The following NGEF variants were observed in gnomAD, a reference collection of about 807,000 sequenced individuals.
NGEF encodes ephexin-1.
NGEF carries 31 observed loss-of-function variants against 80.9 expected under a neutral mutation model. The ratio of observed to expected loss-of-function variants is 0.38; its 90% CI spans 0.29 to 0.52. The LOEUF is 0.52. NGEF is among the 20% of genes least tolerant of loss of function. NGEF has a pLI of 0.84. For synonymous variants in NGEF, 371 were observed against 370.2 expected (o/e 1.00, Z -0.03); for missense variants, 709 against 926.2 (o/e 0.77, Z 3.04).
intron 6 of NGEF, 121 bp downstream of exon 6, chr2:232,894,635 A>G (rs1173239584): frequency 1.7e-5 from 17 of 993,494 alleles, no homozygotes; most frequent in Non-Finnish European, 2.1e-5. Context: ...TTTATTATGG[A>G]ACATTCCAAA....
intron 3 of NGEF, among the ~76,000 whole-genome samples, chr2:232,966,204 G>A (rs187562496): frequency 1.3e-5 from 2 of 152,244 alleles, no homozygotes; most frequent in East Asian, 3.9e-4. Context: ...TCTCAGAGTG[G>A]GGCCCTGTGG....
chr2:232,908,587 G>A (rs957436908), intron 5 of NGEF, among the ~76,000 whole-genome samples: 10 of 151,250 alleles, frequency 6.6e-5, no homozygotes, highest in East Asian at 2.0e-4. Context: ...TTATTTTTGC[G>A]GAGATAGGGT....
chr2:233,004,750 C>T (rs537012895), intron 1 of NGEF, among the ~76,000 whole-genome samples: 1 of 152,142 alleles, frequency 6.6e-6, no homozygotes, highest in Non-Finnish European at 1.5e-5. Flanking sequence ...CCTCACCCCC[C>T]ATCGCTGAGA....
chr2:232,896,154 A>G (rs912884938), intron 5 of NGEF, among the ~76,000 whole-genome samples: 3 of 152,212 alleles, frequency 2.0e-5, no homozygotes, highest in Non-Finnish European at 4.4e-5. Context: ...TAACCCCAGC[A>G]CCTGTGAATG....
At chr2:232,923,688 T>C (rs780434771) in intron 4 of NGEF, among the ~76,000 whole-genome samples, 5 of 151,988 alleles carry the variant, frequency 3.3e-5, no homozygotes, top group Non-Finnish European at 5.9e-5. Context: ...TGAGCCAAGA[T>C]TGTGCCATTT....
chr2:233,005,159 G>A (rs962998082), intron 1 of NGEF, among the ~76,000 whole-genome samples: 2 of 152,172 alleles, frequency 1.3e-5, no homozygotes, highest in Admixed American at 6.5e-5. Flanking sequence ...CCAACACATG[G>A]ATGCCCCCAA....
chr2:232,944,820 C>T (rs1474438351), intron 3 of NGEF, among the ~76,000 whole-genome samples: 5 of 148,266 alleles, frequency 3.4e-5, no homozygotes, highest in African/African-American at 1.2e-4. Context: ...GGCATAATCT[C>T]GGCTCACTGC....
At chr2:232,944,744 T>TATATATATATATATATATATATAC (rs1553552746) in intron 3 of NGEF, among the ~76,000 whole-genome samples, 1 of 98,626 alleles carries the variant, frequency 1.0e-5, no homozygotes. Context: ...TATATATATA[T>TATATATATATATATATATATATAC]ATATATATAT....
chr2:232,960,387 C>T (rs1432435245), intron 3 of NGEF, among the ~76,000 whole-genome samples: 1 of 152,194 alleles, frequency 6.6e-6, no homozygotes, highest in Non-Finnish European at 1.5e-5. Context: ...GAGTCAGTGA[C>T]GTACTGGGGG....
Position 232,974,647 on chromosome 2 carries a change from C to T in NGEF, c.244G>A (p.Glu82Lys), listed in dbSNP as rs142598950. ...CCTGCCAGGCAGCTGGCGTTCCGTT[C>T]GGGGTTGTCTCTGGCCTTGGCTTTG... ...KSKAKARDNP[E>K]RNASCLADSQ... The change falls in exon 2 of 15, where the codon GAA becomes AAA. Residue 82 changes from glutamate to lysine, a missense_variant. Glu to Lys is a moderately conservative substitution (Grantham distance 56). Transcript: ENST00000264051. The T allele has an allele frequency of 1.2e-5, 20 of 1,614,120 alleles. No homozygotes were observed. The highest frequency in any genetic ancestry group is 1.7e-4 in the Middle Eastern group (1 of 6,056).
intron 1 of NGEF, among the ~76,000 whole-genome samples, chr2:232,994,278 G>C (rs1694731129): frequency 6.6e-6 from 1 of 151,302 alleles, no homozygotes; most frequent in Admixed American, 6.6e-5. Context: ...GCTGAGACAG[G>C]AGAATCACTT....
intron 3 of NGEF, among the ~76,000 whole-genome samples, chr2:232,956,490 G>A (rs533096571): frequency 1.3e-5 from 2 of 152,222 alleles, no homozygotes; most frequent in South Asian, 4.1e-4. Context: ...GAATTAGGCT[G>A]GGCACAGTGG....
chr2:232,934,241 C>CAAAAAAAAA (rs11329977), intron 3 of NGEF, among the ~76,000 whole-genome samples: 1 of 98,866 alleles, frequency 1.0e-5, no homozygotes, highest in Non-Finnish European at 2.0e-5. Flanking sequence ...GACTGCATCT[C>CAAAAAAAAA]AAAAAAAAAA....
At chr2:232,962,324 A>G (rs967609053) in intron 3 of NGEF, among the ~76,000 whole-genome samples, 29 of 152,256 alleles carry the variant, frequency 1.9e-4, no homozygotes, top group Middle Eastern at 3.4e-3. Context: ...ACCACTTGAG[A>G]TCAGGCGTTC....
Position 232,901,852 on chromosome 2 carries a change from G to A in NGEF, c.829-6936C>T, listed in dbSNP as rs543480318. Among the ~76,000 whole-genome samples, 82 of 152,364 alleles carry A rather than the reference G, an allele frequency of 5.4e-4. 1 individual carries two copies. The highest frequency in any genetic ancestry group is 1.5e-3 in the African/African-American group (64 of 41,590). On this transcript the variant is annotated intron_variant, in intron 5 of 14. Coordinates refer to ENST00000264051, the MANE Select transcript of NGEF (RefSeq NM_019850.3). ...GGACTCCCTTAGAGGCTGTGGGGAC[G>A]TCGCCGTGACACCTCAGCACAGGCC...
chr2:232,931,151 G>GT (rs1311908110), intron 3 of NGEF, among the ~76,000 whole-genome samples: 2 of 152,228 alleles, frequency 1.3e-5, no homozygotes, highest in African/African-American at 4.8e-5. Flanking sequence ...CAGGTCCCAA[G>GT]TAAGTTTAAA....
intron 1 of NGEF, among the ~76,000 whole-genome samples, chr2:232,999,593 G>A (rs1054421620): frequency 6.6e-6 from 1 of 152,250 alleles, no homozygotes; most frequent in Admixed American, 6.5e-5. Context: ...TGAGCCAGAG[G>A]GAGAGAGCTG....
chr2:232,891,565 C>G (rs1026661965), intron 7 of NGEF, 78 bp from the exon 8 acceptor site: 10 of 1,491,476 alleles, frequency 6.7e-6, no homozygotes, highest in Middle Eastern at 2.1e-4. Context: ...CCATCCACAG[C>G]CTCCCAGGAT....
chr2:232,898,433 G>A (rs1202970067), intron 5 of NGEF, among the ~76,000 whole-genome samples: 4 of 152,178 alleles, frequency 2.6e-5, no homozygotes, highest in East Asian at 1.9e-4. Context: ...CCTGCTAATC[G>A]GTATGGCTGA....
Sources: gnomAD v4.1 joint callset for allele counts (sites outside exome capture counted in the v4.1 genomes callset) on GRCh38, gnomAD v4.1.1 for gene constraint, MANE v1.5 for transcripts, NCBI Gene and HGNC (gene_info 2026-07-23, HGNC 2026-07-21) for gene names.